The following THSD7A variants were observed in gnomAD, a reference collection of about 807,000 sequenced individuals.
THSD7A encodes the protein thrombospondin type-1 domain-containing protein 7A.
In THSD7A, 96 loss-of-function variants were observed where a neutral mutation model predicts 231.3. The observed-to-expected ratio is 0.41, with a 90% CI of 0.35 to 0.49. THSD7A has a LOEUF of 0.49. Among genes scored for constraint, THSD7A ranks in the 20% least tolerant of loss-of-function variants. The pLI, the probability that THSD7A is intolerant of heterozygous loss-of-function variation, is 0.05. For missense variants in THSD7A, 2,290 were observed against 2,070.2 expected (o/e 1.11, Z -2.06); for synonymous variants, 940 against 743.3 (o/e 1.26, Z -4.30).
At chr7:11,809,446 T>C (rs924034081) in intron 1 of THSD7A, among the ~76,000 whole-genome samples, 8 of 152,176 alleles carry the variant, frequency 5.3e-5, no homozygotes, top group African/African-American at 1.9e-4. Context: ...AAAGATGATA[T>C]TACATTTTAC....
At chr7:11,610,585 T>G (rs1248202693) in intron 2 of THSD7A, among the ~76,000 whole-genome samples, 1 of 152,118 alleles carries the variant, frequency 6.6e-6, no homozygotes, top group Non-Finnish European at 1.5e-5. Context: ...TGAACACAAT[T>G]TGCCCAGTTC....
chr7:11,559,553 G>A (rs1332227777), intron 4 of THSD7A, among the ~76,000 whole-genome samples: 2 of 139,012 alleles, frequency 1.4e-5, no homozygotes, highest in Non-Finnish European at 3.2e-5. Flanking sequence ...ATATGTATAG[G>A]ATAAGGATGT....
chr7:11,822,406 T>C (rs28572007), intron 1 of THSD7A, among the ~76,000 whole-genome samples: 12,862 of 152,182 alleles, frequency 0.085, 680 homozygotes, highest in East Asian at 0.25. Flanking sequence ...AATAGTATTA[T>C]ATTGTATACA....
intron 1 of THSD7A, among the ~76,000 whole-genome samples, chr7:11,689,632 T>C (rs1474913391): frequency 6.6e-6 from 1 of 151,684 alleles, no homozygotes; most frequent in Non-Finnish European, 1.5e-5. Flanking sequence ...TCATATTTCT[T>C]TAGAAAATGG....
chr7:11,506,991 G>A (rs1320883871), intron 6 of THSD7A, among the ~76,000 whole-genome samples: 1 of 152,038 alleles, frequency 6.6e-6, no homozygotes, highest in Non-Finnish European at 1.5e-5. Flanking sequence ...CCAGGTCAGG[G>A]GTACTGTCTG....
At chr7:11,461,477 C>T (rs1200925896) in intron 10 of THSD7A, among the ~76,000 whole-genome samples, 1 of 152,086 alleles carries the variant, frequency 6.6e-6, no homozygotes. Context: ...GGTAAAATTT[C>T]TCTAACAAAT....
At chr7:11,781,193 C>G (rs1278786722) in intron 1 of THSD7A, among the ~76,000 whole-genome samples, 2 of 151,728 alleles carry the variant, frequency 1.3e-5, no homozygotes, top group African/African-American at 2.4e-5. Context: ...GTAATCTCAA[C>G]ACTTTGGAAG....
rs377479333 is a variant in THSD7A, at chr7:11,397,449, G to A, written c.4411+4346C>T. Among the ~76,000 whole-genome samples the A allele has an allele frequency of 7.2e-5, 11 of 152,176 alleles. No homozygotes were observed. In the East Asian group the frequency reaches 1.2e-3, roughly 16 times the overall value. Reference sequence around the variant, plus strand: ...AGACGTAAACCCAAGACCTAAAACCGTAAAAACCGTAGAAGAAAACCTAGG... The same window carrying A: ...AGACGTAAACCCAAGACCTAAAACCATAAAAACCGTAGAAGAAAACCTAGG... On this transcript the variant is annotated intron_variant, in intron 23 of 27. Coordinates refer to ENST00000423059, the MANE Select transcript of THSD7A (RefSeq NM_015204.3).
intron 1 of THSD7A, among the ~76,000 whole-genome samples, chr7:11,753,943 GCAA>G (rs1009573429): frequency 6.6e-6 from 1 of 151,764 alleles, no homozygotes; most frequent in African/African-American, 2.4e-5. Context: ...AAAAACAACA[GCAA>G]CAACAACAAA....
chr7:11,405,849 A>G (rs939856800), intron 22 of THSD7A, among the ~76,000 whole-genome samples: 5 of 152,116 alleles, frequency 3.3e-5, no homozygotes, highest in Admixed American at 1.3e-4. Flanking sequence ...TTATCTAGGT[A>G]TGAGTTTGTT....
At chr7:11,812,245 G>A (rs1028679856) in intron 1 of THSD7A, among the ~76,000 whole-genome samples, 2 of 151,814 alleles carry the variant, frequency 1.3e-5, no homozygotes, top group Non-Finnish European at 2.9e-5. Flanking sequence ...GTTGTGTGGT[G>A]TTCAATTTAA....
At chr7:11,729,134 AC>A (rs1781640693) in intron 1 of THSD7A, among the ~76,000 whole-genome samples, 1 of 151,834 alleles carries the variant, frequency 6.6e-6, no homozygotes, top group Non-Finnish European at 1.5e-5. Context: ...AGTTACACAG[AC>A]AACGTTGCTG....
intron 1 of THSD7A, among the ~76,000 whole-genome samples, chr7:11,772,245 G>T (rs777616897): frequency 6.6e-6 from 1 of 152,156 alleles, no homozygotes; most frequent in African/African-American, 2.4e-5. Flanking sequence ...TGGCAATGGG[G>T]ATCTGGAGGA....
rs530498342 is a variant in THSD7A, at chr7:11,632,178, A to G, written c.1022+3952T>C. ...TTATTTTTCAGTATTTTCCTGTCTA[A>G]TACATCTATTTTTCCCTTATAAATT... On this transcript the variant is annotated intron_variant, in intron 2 of 27. Coordinates refer to ENST00000423059, the MANE Select transcript of THSD7A (RefSeq NM_015204.3). The surrounding 1 kb of genome is among the most constrained non-coding windows in gnomAD (Gnocchi z 4.1). Among the ~76,000 whole-genome samples, 37 of 152,174 alleles carry G rather than the reference A, an allele frequency of 2.4e-4. No individual in the cohort carries two copies. Among genetic ancestry groups the G allele is most frequent in the African/African-American group, 8.9e-4 (37 of 41,530 alleles).
chr7:11,425,183 G>T (rs1784278457), intron 15 of THSD7A, among the ~76,000 whole-genome samples: 1 of 152,088 alleles, frequency 6.6e-6, no homozygotes, highest in African/African-American at 2.4e-5. Flanking sequence ...CTAGCCCAGG[G>T]TGCTCACATG....
At chr7:11,399,619 T>C (rs1783321727) in intron 23 of THSD7A, among the ~76,000 whole-genome samples, 1 of 152,152 alleles carries the variant, frequency 6.6e-6, no homozygotes, top group Admixed American at 6.5e-5. Context: ...AGATACCATC[T>C]CACACCAGTT....
rs116618016 is a variant in THSD7A, at chr7:11,509,257, C to T, written c.1823-27275G>A. Reference sequence around the variant, plus strand: ...TTTGATATGGACATGTTTTGGTTTACGGCATGCATAGCAATTGGCAAGTAC... The same window carrying T: ...TTTGATATGGACATGTTTTGGTTTATGGCATGCATAGCAATTGGCAAGTAC... On this transcript the variant is annotated intron_variant, in intron 6 of 27. Transcript: ENST00000423059. 8.4e-3 allele frequency among the ~76,000 whole-genome samples: 1,280 copies of T among 152,186 alleles called. 28 individuals carry two copies. Among genetic ancestry groups the T allele is most frequent in the African/African-American group, 0.029 (1,202 of 41,524 alleles).
chr7:11,790,250 T>C (rs561537850), intron 1 of THSD7A, among the ~76,000 whole-genome samples: 89 of 152,072 alleles, frequency 5.9e-4, no homozygotes, highest in Non-Finnish European at 1.0e-3. Context: ...TACATTTCTC[T>C]ACCAATAAGG....
At chr7:11,726,176 T>C (rs1781538131) in intron 1 of THSD7A, among the ~76,000 whole-genome samples, 1 of 152,014 alleles carries the variant, frequency 6.6e-6, no homozygotes, top group Non-Finnish European at 1.5e-5. Flanking sequence ...TTTGGCAAAG[T>C]TATGCAGCAC....
Sources: gnomAD v4.1 joint callset for allele counts (sites outside exome capture counted in the v4.1 genomes callset) on GRCh38, gnomAD v4.1.1 for gene constraint, Gnocchi (gnomAD v3.1) non-coding constraint, MANE v1.5 for transcripts, NCBI Gene and HGNC (gene_info 2026-07-23, HGNC 2026-07-21) for gene names.